RAB4A: variants seen among roughly 807,000 people sequenced by gnomAD.
The protein encoded by RAB4A is ras-related protein Rab-4A.
Under a neutral mutation model 34.5 loss-of-function variants are expected in RAB4A, and 20 were observed. That is an observed-to-expected ratio of 0.58 (90% CI 0.41 to 0.84). The LOEUF is 0.84. RAB4A is among the 40% of genes least tolerant of loss of function. The probability of loss-of-function intolerance (pLI) is 0.00; values close to 1 mark genes in which losing one functional copy is unlikely to be tolerated. For missense variants in RAB4A, 228 were observed against 274.5 expected, an observed-to-expected ratio of 0.83 and a Z score of 1.20; for synonymous variants, 102 against 100.0, an observed-to-expected ratio of 1.02 and a Z score of -0.12.
chr1:229,299,501 A>G (rs1049432554), intron 6 of RAB4A, among the ~76,000 whole-genome samples: 1 of 152,230 alleles, frequency 6.6e-6, no homozygotes, highest in African/African-American at 2.4e-5. Context: ...ATCGGGCATC[A>G]TGGAACTATG....
intron 1 of RAB4A, among the ~76,000 whole-genome samples, 200 bp downstream of exon 1, chr1:229,271,570 CGGGGCGCG>C (rs1208827191): frequency 6.6e-6 from 1 of 151,574 alleles, no homozygotes; most frequent in Non-Finnish European, 1.5e-5. Flanking sequence ...AGCGGGTGCG[CGGGGCGCG>C]GGGGCGCTGT....
chr1:229,296,764 G>A (rs1361635716), intron 4 of RAB4A, among the ~76,000 whole-genome samples: 1 of 152,138 alleles, frequency 6.6e-6, no homozygotes, highest in East Asian at 1.9e-4. Flanking sequence ...TCTGAGAGGA[G>A]GAAGGCAGTT....
intron 3 of RAB4A, among the ~76,000 whole-genome samples, chr1:229,292,903 G>C (rs1176191032): frequency 1.3e-5 from 2 of 152,018 alleles, no homozygotes. Context: ...AGTTAAAGGG[G>C]ACCCTCCAGG....
chr1:229,295,443 C>T (rs1291636705), intron 3 of RAB4A, among the ~76,000 whole-genome samples: 5 of 152,014 alleles, frequency 3.3e-5, no homozygotes, highest in Non-Finnish European at 7.4e-5. Flanking sequence ...TCCACCGCGC[C>T]GAGAGGTGGC....
At chr1:229,279,569 CT>C (rs141806097) in intron 1 of RAB4A, among the ~76,000 whole-genome samples, 29,161 of 152,046 alleles carry the variant, frequency 0.19, 2,811 homozygotes, top group African/African-American at 0.21. Flanking sequence ...TAGAGTTAAT[CT>C]TTTTTGGCTT....
At chr1:229,277,739 T>C (rs1656686144) in intron 1 of RAB4A, among the ~76,000 whole-genome samples, 1 of 151,274 alleles carries the variant, frequency 6.6e-6, no homozygotes, top group Non-Finnish European at 1.5e-5. Context: ...TCAGGTCTCT[T>C]CTACCACCTC....
intron 1 of RAB4A, 33 bp from the exon 2 acceptor site, chr1:229,286,453 A>G (rs1186015156): frequency 3.8e-6 from 5 of 1,308,740 alleles, no homozygotes; most frequent in Non-Finnish European, 5.4e-6. Flanking sequence ...CACTATTTTG[A>G]AGTTATTTTC....
chr1:229,301,869 A>G lies in RAB4A; in HGVS notation c.542-993A>G, dbSNP rs558348491. On this transcript the variant is annotated intron_variant, in intron 6 of 7. Transcript: ENST00000366690. The stretch of plus-strand genomic sequence containing the variant: ...TAGTTTCCGTATATACATATAATAC[A>G]TAAGGTACATATATATAACATAATG... Among the ~76,000 whole-genome samples, 14 of 152,188 alleles carry G rather than the reference A, an allele frequency of 9.2e-5. No homozygotes were observed. In the East Asian group the frequency reaches 2.7e-3, roughly 29 times the overall value.
chr1:229,295,961 A>G, intron 4 of RAB4A, 51 bp downstream of exon 4: 5 of 1,595,142 alleles, frequency 3.1e-6, no homozygotes, highest in Non-Finnish European at 4.3e-6. Flanking sequence ...CCTGCAGCCC[A>G]AAGGCTGGTC....
chr1:229,303,469 A>G (rs1657470703), intron 7 of RAB4A, among the ~76,000 whole-genome samples: 1 of 152,176 alleles, frequency 6.6e-6, no homozygotes, highest in Admixed American at 6.5e-5. Context: ...AAAGAAAGGA[A>G]GGGCAGGTGG....
intron 1 of RAB4A, 54 bp from the exon 2 acceptor site, chr1:229,286,432 G>A: frequency 9.1e-7 from 1 of 1,099,860 alleles, no homozygotes; most frequent in South Asian, 1.5e-5. Flanking sequence ...GATCTAAGAA[G>A]AAATTCACAG....
intron 2 of RAB4A, among the ~76,000 whole-genome samples, chr1:229,287,136 A>G (rs891174680): frequency 2.3e-4 from 35 of 152,364 alleles, no homozygotes; most frequent in African/African-American, 8.4e-4. Flanking sequence ...ATGCTTTTTA[A>G]TAATGGAAAG....
At chr1:229,292,679 T>G (rs237770) in intron 3 of RAB4A, among the ~76,000 whole-genome samples, 37,120 of 152,184 alleles carry the variant, frequency 0.24, 5,166 homozygotes, top group African/African-American at 0.39. Context: ...AAAGTAGCTC[T>G]TCTTTGCCAA....
chr1:229,280,141 A>T (rs1656746765), intron 1 of RAB4A, among the ~76,000 whole-genome samples: 1 of 152,256 alleles, frequency 6.6e-6, no homozygotes, highest in Non-Finnish European at 1.5e-5. Context: ...CAGATTAAAA[A>T]TACAAAATAA....
At chr1:229,283,725 GA>G (rs1269672914) in intron 1 of RAB4A, among the ~76,000 whole-genome samples, 1 of 150,578 alleles carries the variant, frequency 6.6e-6, no homozygotes, top group Non-Finnish European at 1.5e-5. Context: ...CACTCTTTCA[GA>G]GTCTTTTTTT....
chr1:229,295,992 C>T (rs1333287759), intron 4 of RAB4A, 82 bp downstream of exon 4: 1 of 1,424,610 alleles, frequency 7.0e-7, no homozygotes, highest in East Asian at 2.3e-5. Flanking sequence ...GCCCTCCGTG[C>T]AGTGTGTGCT....
At chr1:229,303,038 A>C in intron 7 of RAB4A, 49 bp downstream of exon 7, 1 of 1,332,680 alleles carries the variant, frequency 7.5e-7, no homozygotes. Flanking sequence ...GCTCAAGTGC[A>C]GAGGCCTGTT....
rs1010554550 is a variant in RAB4A, at chr1:229,297,749, A to G, written c.445+113A>G. The G allele has an allele frequency of 7.5e-6, 9 of 1,197,284 alleles. No individual in the cohort carries two copies. The Admixed American group carries it at 8.6e-5, about 11-fold the overall frequency. The allele number at this position is 1,197,284 out of a possible 1,614,324, so 74.2% of individuals were successfully genotyped here. A position where few individuals can be genotyped will look rare whatever the true frequency, so the allele number is the denominator to read the frequency against. On this transcript the variant is annotated intron_variant, in intron 5 of 7. Coordinates refer to ENST00000366690, the MANE Select transcript of RAB4A (RefSeq NM_004578.4). The stretch of plus-strand genomic sequence containing the variant: ...TTCAAGATTAAACTAGATTTAGGAA[A>G]TGTGGAATTTCCAATTGTTTTTTTC...
In RAB4A at chr1:229,292,237, G is replaced by GA. The variant is rs776815426; in HGVS notation, c.227+3404dup. On this transcript the variant is annotated intron_variant, in intron 3 of 7. Coordinates refer to ENST00000366690, the MANE Select transcript of RAB4A (RefSeq NM_004578.4). ...TATAATAATAATAAATAAATAAAAGGAAAAAAAAAAGAAAATTTAACACCT... is the reference window on the plus strand; with the variant it reads ...TATAATAATAATAAATAAATAAAAGGAAAAAAAAAAAGAAAATTTAACACCT... 5.6e-3 allele frequency among the ~76,000 whole-genome samples: 685 copies of GA among 123,418 alleles called. 2 individuals carry two copies. The highest frequency in any genetic ancestry group is 9.3e-3 in the South Asian group (39 of 4,200). The allele number at this position is 123,418 out of a possible 152,430, so 81.0% of individuals were successfully genotyped here.
Sources: allele counts gnomAD v4.1 joint callset (sites outside exome capture counted in the v4.1 genomes callset), GRCh38; gene constraint gnomAD v4.1.1; transcripts MANE v1.5; gene names NCBI Gene and HGNC (gene_info 2026-07-23, HGNC 2026-07-21).